LRMDA: variants seen among roughly 807,000 people sequenced by gnomAD.
LRMDA encodes leucine-rich melanocyte differentiation-associated protein.
In LRMDA, 18 loss-of-function variants were observed where a neutral mutation model predicts 29.8. That is an observed-to-expected ratio of 0.60 (90% CI 0.42 to 0.90). LRMDA has a LOEUF of 0.90. LRMDA is among the 40% of genes least tolerant of loss of function. The pLI is 0.00. For missense variants in LRMDA, 273 were observed against 273.9 expected (o/e 1.00, Z 0.02); for synonymous variants, 125 against 109.4 (o/e 1.14, Z -0.89).
intron 2 of LRMDA, among the ~76,000 whole-genome samples, chr10:75,494,783 GA>G (rs1362290783): frequency 6.6e-6 from 1 of 152,134 alleles, no homozygotes; most frequent in African/African-American, 2.4e-5. Context: ...TTACAGGCGT[GA>G]GCCACCGTGC....
chr10:75,588,807 G>T (rs942767904), intron 2 of LRMDA, among the ~76,000 whole-genome samples: 1 of 151,908 alleles, frequency 6.6e-6, no homozygotes. Context: ...AATTTTATAT[G>T]TATAAGCAAG....
chr10:75,450,905 A>G (rs949261223), intron 2 of LRMDA: 1 of 152,258 alleles, frequency 6.6e-6, no homozygotes, highest in African/African-American at 2.4e-5. Context: ...TGCAGAGCAA[A>G]TAGAATAAAA....
chr10:75,739,603 G>A (rs1198837254), intron 2 of LRMDA, among the ~76,000 whole-genome samples: 4 of 152,166 alleles, frequency 2.6e-5, no homozygotes, highest in Non-Finnish European at 5.9e-5. Flanking sequence ...TGGCTGAGGG[G>A]TATCAGGCAG....
intron 6 of LRMDA, among the ~76,000 whole-genome samples, chr10:76,546,258 T>G (rs1193125540): frequency 6.6e-6 from 1 of 152,206 alleles, no homozygotes; most frequent in Non-Finnish European, 1.5e-5. Context: ...GGAGCTCATA[T>G]GAGCAGGAGA....
At chr10:75,817,561 C>T (rs1283167601) in intron 2 of LRMDA, among the ~76,000 whole-genome samples, 1 of 151,914 alleles carries the variant, frequency 6.6e-6, no homozygotes, top group Non-Finnish European at 1.5e-5. Flanking sequence ...TGAATTTATC[C>T]CTGAAGAAAG....
At chr10:76,211,823 C>A (rs537892262) in intron 5 of LRMDA, among the ~76,000 whole-genome samples, 5 of 152,204 alleles carry the variant, frequency 3.3e-5, no homozygotes, top group East Asian at 1.9e-4. Context: ...GCCCAAGTAT[C>A]CTTAGCTAAG....
chr10:75,792,283 GAGA>G (rs1843581337), intron 2 of LRMDA, among the ~76,000 whole-genome samples: 1 of 151,604 alleles, frequency 6.6e-6, no homozygotes, highest in Non-Finnish European at 1.5e-5. Context: ...TTGTTTGTTT[GAGA>G]TGGAGTCTCA....
intron 2 of LRMDA, among the ~76,000 whole-genome samples, chr10:75,552,908 T>A (rs1306848931): frequency 6.6e-6 from 1 of 152,138 alleles, no homozygotes; most frequent in Non-Finnish European, 1.5e-5. Flanking sequence ...TTTGACTCAT[T>A]TTAAAGAAAA....
intron 5 of LRMDA, among the ~76,000 whole-genome samples, chr10:76,213,838 G>C (rs1434477739): frequency 2.0e-5 from 3 of 152,188 alleles, no homozygotes; most frequent in Non-Finnish European, 1.5e-5. Flanking sequence ...CCTAGCTCCA[G>C]CTGACAGGAA....
intron 5 of LRMDA, among the ~76,000 whole-genome samples, chr10:76,255,828 A>G (rs1852584438): frequency 2.0e-5 from 3 of 152,260 alleles, no homozygotes; most frequent in Admixed American, 1.3e-4. Context: ...AGAAAGGCAC[A>G]TATTAGAGAG....
chr10:76,031,320 C>G (rs754323304), intron 2 of LRMDA, among the ~76,000 whole-genome samples: 9 of 152,184 alleles, frequency 5.9e-5, no homozygotes, highest in Non-Finnish European at 1.0e-4. Context: ...CTTTCCTGAT[C>G]TTAGCCACAT....
At chr10:75,881,794 T>A (rs1845299191) in intron 2 of LRMDA, among the ~76,000 whole-genome samples, 1 of 152,246 alleles carries the variant, frequency 6.6e-6, no homozygotes, top group African/African-American at 2.4e-5. Flanking sequence ...ACTTTCATTT[T>A]CAATAAATTT....
chr10:76,316,731 A>G (rs1840704686), intron 5 of LRMDA, among the ~76,000 whole-genome samples: 1 of 152,258 alleles, frequency 6.6e-6, no homozygotes, highest in African/African-American at 2.4e-5. Context: ...ATATTACATT[A>G]CATTCTGATT....
chr10:76,360,219 C>T (rs1156799908), intron 6 of LRMDA, among the ~76,000 whole-genome samples: 1 of 151,964 alleles, frequency 6.6e-6, no homozygotes, highest in Non-Finnish European at 1.5e-5. Context: ...AACTCCTGAC[C>T]TCAGGTGGTC....
At chr10:76,158,539 A>C (rs1263886054) in intron 5 of LRMDA, among the ~76,000 whole-genome samples, 1 of 152,228 alleles carries the variant, frequency 6.6e-6, no homozygotes. Flanking sequence ...TTTTTTAAAG[A>C]GAACGTACTA....
At chr10:76,039,858 ATTG>A (rs779337272) in intron 3 of LRMDA, among the ~76,000 whole-genome samples, 6 of 152,292 alleles carry the variant, frequency 3.9e-5, no homozygotes, top group East Asian at 3.9e-4. Flanking sequence ...GGTTACTATT[ATTG>A]TTGTTGTTAT....
intron 2 of LRMDA, among the ~76,000 whole-genome samples, chr10:75,874,487 T>C (rs1268323204): frequency 6.6e-6 from 1 of 152,224 alleles, no homozygotes; most frequent in Non-Finnish European, 1.5e-5. Context: ...CATTTCTCTT[T>C]GTTATATCAG....
chr10:75,628,033 T>G (rs955691316), intron 2 of LRMDA, among the ~76,000 whole-genome samples: 6 of 152,234 alleles, frequency 3.9e-5, no homozygotes, highest in African/African-American at 1.4e-4. Context: ...CTCAGTAATA[T>G]TCTTCAGTGG....
intron 2 of LRMDA, among the ~76,000 whole-genome samples, chr10:75,457,889 CT>C (rs34330017): frequency 0.14 from 21,839 of 152,076 alleles, 1,665 homozygotes; most frequent in East Asian, 0.22. Flanking sequence ...GCCATTTTTT[CT>C]TTTTACTTTT....
Sources: gnomAD v4.1 joint callset for allele counts (sites outside exome capture counted in the v4.1 genomes callset) on GRCh38, gnomAD v4.1.1 for gene constraint, MANE v1.5 for transcripts, NCBI Gene and HGNC (gene_info 2026-07-23, HGNC 2026-07-21) for gene names.